Variants in PDE6B observed in about 807,000 individuals in gnomAD.
PDE6B encodes phosphodiesterase 6B.
In PDE6B, 106 loss-of-function variants were observed where a neutral mutation model predicts 109.0. That is an observed-to-expected ratio of 0.97 (90% confidence interval 0.83 to 1.14). The LOEUF is 1.14. Among genes scored for constraint, PDE6B ranks in the 50% most tolerant of loss-of-function variants. The pLI, the probability that PDE6B is intolerant of heterozygous loss-of-function variation, is 0.00. For synonymous variants in PDE6B, 490 were observed against 471.3 expected (o/e 1.04, Z -0.51); for missense variants, 1,193 against 1,155.6 (o/e 1.03, Z -0.47).
chr4:664,565 C>T (rs930660084), intron 17 of PDE6B, among the ~76,000 whole-genome samples: 3 of 152,166 alleles, frequency 2.0e-5, no homozygotes, highest in Non-Finnish European at 4.4e-5. Context: ...ACACATAAAC[C>T]CAGCACTTGG....
chr4:637,409 C>T (rs1191965336), intron 3 of PDE6B, among the ~76,000 whole-genome samples: 2 of 152,014 alleles, frequency 1.3e-5, no homozygotes, highest in African/African-American at 2.4e-5. Flanking sequence ...CTAGTAGAGA[C>T]GGGGTTTCAC....
intron 3 of PDE6B, among the ~76,000 whole-genome samples, chr4:637,785 G>A (rs953884714): frequency 2.0e-5 from 3 of 152,174 alleles, no homozygotes; most frequent in African/African-American, 7.2e-5. Flanking sequence ...CGTGACCATC[G>A]CGCTCGAGCT....
intron 17 of PDE6B, among the ~76,000 whole-genome samples, 195 bp from the exon 18 acceptor site, chr4:664,686 G>A (rs528770806): frequency 2.0e-5 from 3 of 152,280 alleles, no homozygotes; most frequent in East Asian, 3.9e-4. Flanking sequence ...CGTGGTGGCG[G>A]GCGCCTGTAA....
chr4:663,944 C>T lies in PDE6B; in HGVS notation c.2021+74C>T. ...GGGACCCCCGGCAGACACGGGGGCG[C>T]AGCGGCGGCACAGCCCGGGGGACGC... On this transcript the variant is annotated intron_variant, in intron 16 of 21. Coordinates refer to ENST00000496514, the MANE Select transcript of PDE6B (RefSeq NM_000283.4). The surrounding 1 kb of genome is among the most constrained non-coding windows in gnomAD (Gnocchi z 4.0). The T allele has an allele frequency of 8.3e-7, 1 of 1,200,874 alleles. No individual in the cohort carries two copies. The highest frequency in any genetic ancestry group is 1.2e-6 in the Non-Finnish European group (1 of 842,028). The allele number at this position is 1,200,874 out of a possible 1,614,324, so 74.4% of individuals were successfully genotyped here. A position where few individuals can be genotyped will look rare whatever the true frequency, so the allele number is the denominator to read the frequency against.
At chr4:638,251 G>A (rs1734787919) in intron 3 of PDE6B, among the ~76,000 whole-genome samples, 1 of 152,160 alleles carries the variant, frequency 6.6e-6, no homozygotes, top group Admixed American at 6.5e-5. Flanking sequence ...TCTTTGGTGA[G>A]GTGTCTGTTC....
Position 656,932 on chromosome 4 carries a change from TCAA to T in PDE6B, c.1170_1172del (p.Asn390del). 6.2e-7 allele frequency: 1 copy of T among 1,613,070 alleles called. No individual in the cohort carries two copies. The highest frequency in any genetic ancestry group is 8.5e-7 in the Non-Finnish European group (1 of 1,179,888). On this transcript the variant is annotated inframe_deletion, in exon 9 of 22. Transcript: ENST00000496514. ...AAGAATGTGCTGTCCATGCCCATCG[TCAA>T]CAAGAAGGAGGAGATTGTGGGAGTC... is the stretch of plus-strand genomic sequence containing the variant.
Position 625,763 on chromosome 4 carries a change from G to A in PDE6B, c.137G>A (p.Ser46Asn). Residue 46 changes from serine to asparagine, a missense_variant, in exon 1 of 22, where the codon AGC becomes AAC. Coordinates refer to ENST00000496514, the MANE Select transcript of PDE6B (RefSeq NM_000283.4). The surrounding 1 kb of genome is among the most constrained non-coding windows in gnomAD (Gnocchi z 5.0). Reference sequence around the variant, plus strand: ...GACGGGTGCCCGCCGGACTGCGACAGCCTCCGGGACCTCTGCCAGGTGGAG... The same window carrying A: ...GACGGGTGCCCGCCGGACTGCGACAACCTCCGGGACCTCTGCCAGGTGGAG... ...CEDGCPPDCDSLRDLCQVEES... is the reference protein window; with the variant it reads ...CEDGCPPDCDNLRDLCQVEES... 6.2e-7 allele frequency: 1 copy of A among 1,613,452 alleles called. No homozygotes were observed. Among genetic ancestry groups the A allele is most frequent in the Non-Finnish European group, 8.5e-7 (1 of 1,179,890 alleles).
At chr4:667,133 A>G (rs1469974399) in intron 20 of PDE6B, among the ~76,000 whole-genome samples, 1 of 152,178 alleles carries the variant, frequency 6.6e-6, no homozygotes. Flanking sequence ...CAAGGCGGAC[A>G]TGGAGGGGGA....
At chr4:664,992 A>G (rs1737623145) in intron 18 of PDE6B, 48 bp downstream of exon 18, 2 of 1,450,624 alleles carry the variant, frequency 1.4e-6, no homozygotes, top group Non-Finnish European at 1.9e-6. Context: ...CTCTCAGCAC[A>G]TGGGACTGCC....
chr4:652,508 G>A, intron 3 of PDE6B: 3 of 985,036 alleles, frequency 3.0e-6, no homozygotes, highest in Non-Finnish European at 3.6e-6. Context: ...CAGCCGCGCT[G>A]TGTGGCGGCC....
At chr4:629,094 C>T (rs1159236804) in intron 1 of PDE6B, among the ~76,000 whole-genome samples, 1 of 152,202 alleles carries the variant, frequency 6.6e-6, no homozygotes, top group Non-Finnish European at 1.5e-5. Flanking sequence ...GCCAATGGGC[C>T]AGCCGGGTGA....
At chr4:667,097 C>T (rs559565834) in intron 20 of PDE6B, among the ~76,000 whole-genome samples, 3 of 152,338 alleles carry the variant, frequency 2.0e-5, no homozygotes, top group East Asian at 1.9e-4. Flanking sequence ...TGCCACAGTC[C>T]GATGCCAGCT....
Position 636,547 on chromosome 4 carries a change from G to A in PDE6B, c.711+578G>A, listed in dbSNP as rs1204134751. Among the ~76,000 whole-genome samples, 1 of 152,168 alleles carries A rather than the reference G, an allele frequency of 6.6e-6. No homozygotes were observed. The highest frequency in any genetic ancestry group is 2.4e-5 in the African/African-American group (1 of 41,446). On this transcript the variant is annotated intron_variant, in intron 3 of 21. Transcript: ENST00000496514. The surrounding 1 kb of genome is among the most constrained non-coding windows in gnomAD (Gnocchi z 4.5). ...TCCCGTCTGAGACCCTGGCTCAGGGGAGACCTGGATGGATAGTGAGTGGGC... is the reference window on the plus strand; with the variant it reads ...TCCCGTCTGAGACCCTGGCTCAGGGAAGACCTGGATGGATAGTGAGTGGGC...
At chr4:656,047 C>T in intron 7 of PDE6B, 41 bp downstream of exon 7, 2 of 1,310,110 alleles carry the variant, frequency 1.5e-6, no homozygotes, top group African/African-American at 2.9e-5. Context: ...GCCTTGCCCT[C>T]ACTGGGTGCG....
At chr4:643,326 AG>A (rs1011323603) in intron 3 of PDE6B, among the ~76,000 whole-genome samples, 3 of 152,042 alleles carry the variant, frequency 2.0e-5, no homozygotes, top group African/African-American at 7.3e-5. Flanking sequence ...AAAAAAAAAA[AG>A]AATTTTTGCA....
At chr4:632,225 G>T (rs548351108) in intron 1 of PDE6B, among the ~76,000 whole-genome samples, 1 of 151,632 alleles carries the variant, frequency 6.6e-6, no homozygotes, top group Non-Finnish European at 1.5e-5. Flanking sequence ...AATCCATGTG[G>T]TATCAGCTGA....
In PDE6B at chr4:667,965, TGGAGGAGAAGGA is replaced by T. The variant is rs1560141176; in HGVS notation, c.2470_2481del (p.Lys824_Glu827del). ...GAGTATGAGGCCAAAGTGAAGGCTCTGGAGGAGAAGGAGGAGGAGGAGAGGGTGGCAGCCAAG... is the reference window on the plus strand; with the variant it reads ...GAGTATGAGGCCAAAGTGAAGGCTCTGGAGGAGGAGAGGGTGGCAGCCAAG... On this transcript the variant is annotated inframe_deletion, in exon 21 of 22. Coordinates refer to ENST00000496514, the MANE Select transcript of PDE6B (RefSeq NM_000283.4). 1 of 1,613,060 alleles carries T rather than the reference TGGAGGAGAAGGA, an allele frequency of 6.2e-7. No homozygotes were observed. Among genetic ancestry groups the T allele is most frequent in the Admixed American group, 1.7e-5 (1 of 59,990 alleles).
chr4:635,673 C>A (rs1734642630), intron 2 of PDE6B, among the ~76,000 whole-genome samples: 1 of 152,188 alleles, frequency 6.6e-6, no homozygotes, highest in Non-Finnish European at 1.5e-5. Context: ...CTGTGCACAC[C>A]TGTCTGTGTG....
At chr4:650,360 C>T (rs1735443889) in intron 3 of PDE6B, among the ~76,000 whole-genome samples, 1 of 152,256 alleles carries the variant, frequency 6.6e-6, no homozygotes, top group Admixed American at 6.5e-5. Context: ...CCGGCCCCCC[C>T]TGTCCCCACT....
Sources: gnomAD v4.1 joint callset for allele counts (sites outside exome capture counted in the v4.1 genomes callset) on GRCh38, gnomAD v4.1.1 for gene constraint, Gnocchi (gnomAD v3.1) non-coding constraint, MANE v1.5 for transcripts, NCBI Gene and HGNC (gene_info 2026-07-23, HGNC 2026-07-21) for gene names.